The following MREG variants were observed in gnomAD, a reference collection of about 807,000 sequenced individuals.
MREG encodes melanoregulin.
A neutral mutation model predicts 28.5 loss-of-function variants in MREG; 31 were observed. That is an observed-to-expected ratio of 1.09 (90% CI 0.82 to 1.47). The LOEUF (loss-of-function observed/expected upper bound fraction) is 1.47. MREG is among the 40% of genes most tolerant of loss of function. The pLI, the probability that MREG is intolerant of heterozygous loss-of-function variation, is 0.00. For synonymous variants in MREG, 106 were observed against 95.2 expected, an observed-to-expected ratio of 1.11 and a Z score of -0.66; for missense variants, 256 against 257.4, an observed-to-expected ratio of 0.99 and a Z score of 0.04.
chr2:215,964,784 A>T (rs1424523643), intron 2 of MREG, among the ~76,000 whole-genome samples: 3 of 152,226 alleles, frequency 2.0e-5, no homozygotes, highest in Non-Finnish European at 4.4e-5. Flanking sequence ...AAGCATATAA[A>T]AATGGGCAAA....
rs1481232991 is a variant in MREG at position 215,943,227 on chromosome 2, TAA to T, written c.*1634_*1635del. ...TCTATGGATTAACCTTACAAATCCTTAAAGTCTTTTCAGTAACATGAACCATG... is the reference window on the plus strand; with the variant it reads ...TCTATGGATTAACCTTACAAATCCTTAGTCTTTTCAGTAACATGAACCATG... On this transcript the variant is annotated 3_prime_UTR_variant, in exon 5 of 5. Coordinates refer to ENST00000263268, the MANE Select transcript of MREG (RefSeq NM_018000.3). 2 of 305,212 alleles carry T rather than the reference TAA, an allele frequency of 6.6e-6. No homozygotes were observed. The highest frequency in any genetic ancestry group is 1.3e-5 in the Non-Finnish European group (2 of 152,112). The allele number at this position is 305,212 out of a possible 1,614,324, so 18.9% of individuals were successfully genotyped here.
upstream of MREG, among the ~76,000 whole-genome samples, chr2:216,015,123 G>GTGTGCGCGCGTGCATGTGCGCGCA (rs1553556735): frequency 1.4e-4 from 20 of 147,524 alleles, no homozygotes; most frequent in Non-Finnish European, 1.8e-4. Context: ...GTGCACGCGT[G>GTGTGCGCGCGTGCATGTGCGCGCA]TGTGTGCGCG....
intron 2 of MREG, among the ~76,000 whole-genome samples, chr2:215,953,909 A>C (rs1240161372): frequency 6.6e-6 from 1 of 152,166 alleles, no homozygotes; most frequent in African/African-American, 2.4e-5. Context: ...TCCAGGAAAA[A>C]TTTTCAGTGC....
chr2:215,970,825 C>A (rs1394551480), intron 2 of MREG, among the ~76,000 whole-genome samples: 1 of 152,164 alleles, frequency 6.6e-6, no homozygotes, highest in African/African-American at 2.4e-5. Context: ...GCTTCAGCTG[C>A]TACAGTGGGT....
intron 2 of MREG, among the ~76,000 whole-genome samples, chr2:215,985,349 T>C (rs947691667): frequency 6.6e-6 from 1 of 152,220 alleles, no homozygotes; most frequent in Non-Finnish European, 1.5e-5. Flanking sequence ...GGCTGTTTAC[T>C]ACTTCTTAGG....
chr2:216,007,311 A>G (rs1694180371), intron 1 of MREG, among the ~76,000 whole-genome samples: 1 of 152,210 alleles, frequency 6.6e-6, no homozygotes, highest in East Asian at 1.9e-4. Flanking sequence ...TGAGACGCAC[A>G]GCCCCAGCCG....
intron 2 of MREG, among the ~76,000 whole-genome samples, chr2:215,970,743 A>C (rs1693067270): frequency 6.6e-6 from 1 of 152,220 alleles, no homozygotes; most frequent in Non-Finnish European, 1.5e-5. Flanking sequence ...TAAAGCTCAA[A>C]CGTTACACGA....
intron 2 of MREG, among the ~76,000 whole-genome samples, chr2:215,949,966 G>T (rs1692442746): frequency 6.6e-6 from 1 of 152,134 alleles, no homozygotes. Context: ...ATAAAAAGAT[G>T]ACAATAAAAT....
chr2:215,943,112 T>C lies in MREG; in HGVS notation c.*1751A>G. 1 of 229,688 alleles carries C rather than the reference T, an allele frequency of 4.4e-6. No individual in the cohort carries two copies. Among genetic ancestry groups the C allele is most frequent in the Non-Finnish European group, 8.9e-6 (1 of 112,216 alleles). 14.2% of individuals were successfully genotyped at this position (229,688 alleles called of 1,614,324 possible). On this transcript the variant is annotated 3_prime_UTR_variant, in exon 5 of 5. Transcript: ENST00000263268. ...TATAAAAATTTTCAAGTCACAGTCC[T>C]CTAAGCAGACTAAATACAAGTTAGT...
intron 2 of MREG, among the ~76,000 whole-genome samples, chr2:215,963,126 T>C (rs1692836469): frequency 6.6e-6 from 1 of 151,842 alleles, no homozygotes; most frequent in South Asian, 2.1e-4. Flanking sequence ...AGACCCTGTC[T>C]CAAAAGAAAA....
intron 2 of MREG, among the ~76,000 whole-genome samples, chr2:215,958,055 A>G (rs1013076757): frequency 1.4e-5 from 2 of 146,318 alleles, no homozygotes; most frequent in Admixed American, 1.4e-4. Context: ...GAAATGAACA[A>G]TGAGAACACA....
In MREG at chr2:216,022,510, T is replaced by G. The variant is rs545138418; in HGVS notation, c.-68+10279A>C. Among the ~76,000 whole-genome samples, 104 of 152,274 alleles carry G rather than the reference T, an allele frequency of 6.8e-4. 1 individual carries two copies. The highest frequency in any genetic ancestry group is 6.8e-3 in the Middle Eastern group (2 of 294). On this transcript the variant is annotated intron_variant, in intron 1 of 3. Transcript: ENST00000420348. Reference sequence around the variant, plus strand: ...AATTATACTGCTACGTCTAACAATATTCCCACTTTAATTATATCTCCATCT... The same window carrying G: ...AATTATACTGCTACGTCTAACAATAGTCCCACTTTAATTATATCTCCATCT...
At chr2:216,000,027 A>G (rs1357532501) in intron 1 of MREG, among the ~76,000 whole-genome samples, 1 of 152,262 alleles carries the variant, frequency 6.6e-6, no homozygotes, top group African/African-American at 2.4e-5. Flanking sequence ...TGGACACCGG[A>G]GAAGTGTCGA....
intron 1 of MREG, among the ~76,000 whole-genome samples, chr2:216,018,746 G>A (rs1012575952): frequency 6.6e-6 from 1 of 152,214 alleles, no homozygotes; most frequent in Non-Finnish European, 1.5e-5. Flanking sequence ...GGTCCTTATA[G>A]AGTCTGTTGT....
chr2:215,947,424 C>T (rs1308894090), intron 2 of MREG, among the ~76,000 whole-genome samples: 1 of 152,154 alleles, frequency 6.6e-6, no homozygotes, highest in Non-Finnish European at 1.5e-5. Flanking sequence ...GATAAATATT[C>T]CATTTAAGAA....
In MREG at chr2:215,943,225, C is replaced by A; in HGVS notation, c.*1638G>T. The A allele has an allele frequency of 3.3e-6, 1 of 299,266 alleles. No individual in the cohort carries two copies. Among genetic ancestry groups the A allele is most frequent in the Non-Finnish European group, 6.7e-6 (1 of 148,758 alleles). The allele number at this position is 299,266 out of a possible 1,614,324, so 18.5% of individuals were successfully genotyped here. Reference sequence around the variant, plus strand: ...AATCTATGGATTAACCTTACAAATCCTTAAAGTCTTTTCAGTAACATGAAC... The same window carrying A: ...AATCTATGGATTAACCTTACAAATCATTAAAGTCTTTTCAGTAACATGAAC... On this transcript the variant is annotated 3_prime_UTR_variant, in exon 5 of 5. Coordinates refer to ENST00000263268, the MANE Select transcript of MREG (RefSeq NM_018000.3).
rs372070728 is a variant in MREG at position 215,972,070 on chromosome 2, C to T, written c.255+24236G>A. On this transcript the variant is annotated intron_variant, in intron 2 of 4. Transcript: ENST00000263268. ...ATTCAGTCCTTGGGCTCCACAAGATCGTTTTGGACAGGAAACCACCTGGAT... is the reference window on the plus strand; with the variant it reads ...ATTCAGTCCTTGGGCTCCACAAGATTGTTTTGGACAGGAAACCACCTGGAT... Among the ~76,000 whole-genome samples, 11 of 152,196 alleles carry T rather than the reference C, an allele frequency of 7.2e-5. No homozygotes were observed. In the East Asian group the frequency reaches 1.2e-3, roughly 16 times the overall value.
chr2:215,989,099 G>C (rs902184955), intron 2 of MREG, among the ~76,000 whole-genome samples: 3 of 152,156 alleles, frequency 2.0e-5, no homozygotes, highest in African/African-American at 7.2e-5. Flanking sequence ...TCCTGACCAG[G>C]AGACACCTCC....
At chr2:216,013,010 TG>T (rs1694352524) in intron 1 of MREG, among the ~76,000 whole-genome samples, 1 of 152,242 alleles carries the variant, frequency 6.6e-6, no homozygotes, top group Non-Finnish European at 1.5e-5. Context: ...GACATCCAGC[TG>T]GGTCTCAGGT....
Sources: allele counts gnomAD v4.1 joint callset (sites outside exome capture counted in the v4.1 genomes callset), GRCh38; gene constraint gnomAD v4.1.1; transcripts MANE v1.5; gene names NCBI Gene and HGNC (gene_info 2026-07-23, HGNC 2026-07-21).